The following GALNT17 variants were observed in gnomAD, a reference collection of about 807,000 sequenced individuals.
GALNT17 encodes UDP-GalNAc:polypeptide N-acetylgalactosaminyltransferase-like 3.
In GALNT17, 29 loss-of-function variants were observed where a neutral mutation model predicts 63.7. That is an observed-to-expected ratio of 0.46 (90% confidence interval 0.34 to 0.62). The LOEUF (loss-of-function observed/expected upper bound fraction) is 0.62, where lower values mean the gene tolerates loss of function less well. GALNT17 is among the 20% of genes least tolerant of loss of function. The pLI, the probability that GALNT17 is intolerant of heterozygous loss-of-function variation, is 0.01. For synonymous variants in GALNT17, 305 were observed against 318.3 expected, an observed-to-expected ratio of 0.96 and a Z score of 0.45; for missense variants, 603 against 799.6, an observed-to-expected ratio of 0.75 and a Z score of 2.97.
intron 6 of GALNT17, among the ~76,000 whole-genome samples, chr7:71,617,890 A>C (rs1207978084): frequency 1.3e-5 from 2 of 151,706 alleles, no homozygotes; most frequent in Admixed American, 6.6e-5. Context: ...CAGGCGATCC[A>C]CCCACCTTGA....
chr7:71,597,598 C>CA (rs1372554874), intron 6 of GALNT17, among the ~76,000 whole-genome samples: 1 of 152,184 alleles, frequency 6.6e-6, no homozygotes, highest in East Asian at 1.9e-4. Context: ...AATGTGGTGT[C>CA]AGAGAGGAAA....
intron 1 of GALNT17, among the ~76,000 whole-genome samples, chr7:71,321,720 G>C (rs1791609111): frequency 6.8e-6 from 1 of 147,346 alleles, no homozygotes; most frequent in Admixed American, 7.1e-5. Context: ...CAGTTCTCTT[G>C]CCTCAGCCTC....
intron 1 of GALNT17, among the ~76,000 whole-genome samples, chr7:71,211,608 G>C (rs909919650): frequency 5.3e-5 from 8 of 152,186 alleles, no homozygotes; most frequent in African/African-American, 1.9e-4. Flanking sequence ...GAAGAAGATA[G>C]GAAAATGTGG....
intron 6 of GALNT17, among the ~76,000 whole-genome samples, chr7:71,598,365 G>A (rs1486860340): frequency 3.3e-5 from 5 of 152,172 alleles, no homozygotes; most frequent in South Asian, 4.1e-4. Context: ...CAAAAGCAGC[G>A]GAGTGTGTCA....
chr7:71,428,127 A>G (rs1414946771), intron 5 of GALNT17, among the ~76,000 whole-genome samples: 1 of 152,152 alleles, frequency 6.6e-6, no homozygotes, highest in African/African-American at 2.4e-5. Context: ...TATCCATTGT[A>G]AAGTGTGAAG....
intron 1 of GALNT17, among the ~76,000 whole-genome samples, chr7:71,225,249 A>G (rs781072454): frequency 1.3e-5 from 2 of 152,250 alleles, no homozygotes. Flanking sequence ...GATTATAGGC[A>G]TGAGCCACCG....
At chr7:71,428,410 A>C (rs1452228358) in intron 5 of GALNT17, among the ~76,000 whole-genome samples, 1 of 151,656 alleles carries the variant, frequency 6.6e-6, no homozygotes, top group Non-Finnish European at 1.5e-5. Context: ...TTCATGCATC[A>C]GAAATCCATT....
intron 5 of GALNT17, among the ~76,000 whole-genome samples, chr7:71,456,715 A>C (rs187793010): frequency 3.3e-5 from 5 of 152,240 alleles, no homozygotes; most frequent in Admixed American, 6.5e-5. Context: ...ATCTAATGGC[A>C]TTCTTGAACC....
At chr7:71,269,265 G>C (rs947188942) in intron 1 of GALNT17, among the ~76,000 whole-genome samples, 2 of 152,124 alleles carry the variant, frequency 1.3e-5, no homozygotes, top group African/African-American at 4.8e-5. Context: ...AGGGGTTCGA[G>C]ACCAGCCTGG....
rs777259585 is a variant in GALNT17, at chr7:71,383,420, C to T, written c.423-4815C>T. Among the ~76,000 whole-genome samples the T allele has an allele frequency of 1.1e-4, 17 of 152,256 alleles. No homozygotes were observed. The South Asian group carries it at 2.9e-3, about 26-fold the overall frequency. ...ATAAATGTCATGTAAATAATTGTTA[C>T]GCTTATTGATTTTATATCATTATTA... is the stretch of plus-strand genomic sequence containing the variant. On this transcript the variant is annotated intron_variant, in intron 2 of 10. Coordinates refer to ENST00000333538, the MANE Select transcript of GALNT17 (RefSeq NM_022479.3).
intron 1 of GALNT17, among the ~76,000 whole-genome samples, chr7:71,307,109 C>G (rs1276219414): frequency 6.6e-6 from 1 of 152,088 alleles, no homozygotes; most frequent in South Asian, 2.1e-4. Context: ...CAAGCGTGAG[C>G]CACCACCCCT....
intron 1 of GALNT17, among the ~76,000 whole-genome samples, chr7:71,200,663 T>C (rs1789148920): frequency 1.3e-5 from 2 of 152,336 alleles, no homozygotes; most frequent in South Asian, 2.1e-4. Flanking sequence ...ATTATGGATA[T>C]TCAGTTTTTT....
chr7:71,569,534 A>AT (rs1789402881), intron 5 of GALNT17, among the ~76,000 whole-genome samples: 1 of 151,990 alleles, frequency 6.6e-6, no homozygotes, highest in Non-Finnish European at 1.5e-5. Flanking sequence ...ATGGTATTTG[A>AT]TTTTCTGTTC....
intron 3 of GALNT17, among the ~76,000 whole-genome samples, chr7:71,411,123 T>C (rs1793422095): frequency 6.6e-6 from 1 of 152,018 alleles, no homozygotes; most frequent in Non-Finnish European, 1.5e-5. Context: ...GGGGTGACTT[T>C]CTTTTTTTTT....
At chr7:71,493,926 G>T (rs1426918602) in intron 5 of GALNT17, among the ~76,000 whole-genome samples, 2 of 151,984 alleles carry the variant, frequency 1.3e-5, no homozygotes, top group African/African-American at 4.8e-5. Context: ...GATGTTTCAG[G>T]TTACTTACTT....
intron 5 of GALNT17, among the ~76,000 whole-genome samples, chr7:71,479,392 G>A (rs1787777399): frequency 6.6e-6 from 1 of 152,154 alleles, no homozygotes; most frequent in Non-Finnish European, 1.5e-5. Context: ...CATATTCCTG[G>A]AATAAGCTTC....
chr7:71,675,042 G>A lies in GALNT17; in HGVS notation c.1405-2169G>A, dbSNP rs939860055. ...CTACTAAAAATACAAAAATTAGCTG[G>A]GTGTGGTGGCGCGTGCCTGTAATCC... On this transcript the variant is annotated intron_variant, in intron 8 of 10. Coordinates refer to ENST00000333538, the MANE Select transcript of GALNT17 (RefSeq NM_022479.3). 3.3e-5 allele frequency among the ~76,000 whole-genome samples: 5 copies of A among 152,116 alleles called. 1 individual carries two copies. The highest frequency in any genetic ancestry group is 1.2e-4 in the African/African-American group (5 of 41,434).
At chr7:71,167,051 T>A (rs1263490633) in intron 1 of GALNT17, among the ~76,000 whole-genome samples, 1 of 146,888 alleles carries the variant, frequency 6.8e-6, no homozygotes, top group East Asian at 2.0e-4. Context: ...AGTACTTTTT[T>A]TTTTTTTTTT....
chr7:71,285,716 AT>A (rs1454483953), intron 1 of GALNT17, among the ~76,000 whole-genome samples: 3 of 152,062 alleles, frequency 2.0e-5, no homozygotes, highest in Non-Finnish European at 2.9e-5. Context: ...AAAAGACAGT[AT>A]CTATGAACCA....
Sources: gnomAD v4.1 joint callset for allele counts (sites outside exome capture counted in the v4.1 genomes callset) on GRCh38, gnomAD v4.1.1 for gene constraint, MANE v1.5 for transcripts, NCBI Gene and HGNC (gene_info 2026-07-23, HGNC 2026-07-21) for gene names.